MRAS: variants seen among roughly 807,000 people sequenced by gnomAD.
MRAS encodes the protein muscle RAS oncogene homolog, also known as ras-related protein M-Ras.
In MRAS, 4 loss-of-function variants were observed where a neutral mutation model predicts 20.9. The observed-to-expected ratio is 0.19, with a 90% CI of 0.09 to 0.44. MRAS has a LOEUF of 0.44. Ranked by LOEUF, MRAS falls within the 20% of genes least tolerant of loss-of-function variation. MRAS has a pLI of 0.99. For synonymous variants in MRAS, 98 were observed against 102.9 expected (o/e 0.95, Z 0.29); for missense variants, 154 against 277.5 (o/e 0.56, Z 3.16).
At chr3:138,387,264 T>C (rs2055036440) in intron 2 of MRAS, among the ~76,000 whole-genome samples, 1 of 152,234 alleles carries the variant, frequency 6.6e-6, no homozygotes, top group African/African-American at 2.4e-5. Flanking sequence ...CTGCCACCCA[T>C]GGCTGCCCAG....
At chr3:138,398,946 G>A (rs965188833) in intron 4 of MRAS, among the ~76,000 whole-genome samples, 10 of 152,222 alleles carry the variant, frequency 6.6e-5, no homozygotes, top group African/African-American at 2.4e-4. Flanking sequence ...CCCAGCTTGA[G>A]CTGCGGTGCC....
At chr3:138,394,284 C>A (rs1245424534) in intron 2 of MRAS, among the ~76,000 whole-genome samples, 1 of 152,088 alleles carries the variant, frequency 6.6e-6, no homozygotes, top group East Asian at 1.9e-4. Flanking sequence ...CGGAGCCCCG[C>A]CCCTCATTTC....
At chr3:138,364,771 C>G (rs2054526870) in intron 1 of MRAS, among the ~76,000 whole-genome samples, 1 of 152,218 alleles carries the variant, frequency 6.6e-6, no homozygotes, top group Non-Finnish European at 1.5e-5. Context: ...CAGCCTGGAT[C>G]TGGGGTGCTG....
intron 2 of MRAS, among the ~76,000 whole-genome samples, chr3:138,379,201 G>A (rs1439790435): frequency 6.6e-6 from 1 of 151,784 alleles, no homozygotes; most frequent in Non-Finnish European, 1.5e-5. Flanking sequence ...CCCAGCCTTT[G>A]ATGTCAATCA....
At chr3:138,383,323 T>C (rs532032641) in intron 2 of MRAS, among the ~76,000 whole-genome samples, 70 of 152,232 alleles carry the variant, frequency 4.6e-4, no homozygotes, top group Admixed American at 7.2e-4. Context: ...TGATATATAT[T>C]ATTGTTGTTT....
chr3:138,360,104 A>G (rs535566660), intron 1 of MRAS, among the ~76,000 whole-genome samples: 185 of 152,252 alleles, frequency 1.2e-3, no homozygotes, highest in African/African-American at 3.7e-3. Context: ...TGTTGCCTGT[A>G]CCTATCCCCT....
upstream of MRAS, chr3:138,348,349 G>C (rs979323291): frequency 6.6e-6 from 1 of 152,278 alleles, no homozygotes; most frequent in Non-Finnish European, 1.5e-5. Flanking sequence ...CGCGGGAGAG[G>C]CTGCGGCGCC....
intron 1 of MRAS, among the ~76,000 whole-genome samples, chr3:138,362,100 G>C (rs1367576165): frequency 6.6e-6 from 1 of 152,148 alleles, no homozygotes; most frequent in African/African-American, 2.4e-5. Flanking sequence ...GGACCCCAGA[G>C]GCCAGGTGGC....
intron 1 of MRAS, among the ~76,000 whole-genome samples, chr3:138,363,673 T>C (rs1367864372): frequency 6.6e-6 from 1 of 152,034 alleles, no homozygotes; most frequent in Non-Finnish European, 1.5e-5. Flanking sequence ...CCTGAGCATG[T>C]GTGTGTCTTG....
At chr3:138,390,214 G>T (rs1457691858) in intron 2 of MRAS, among the ~76,000 whole-genome samples, 1 of 152,154 alleles carries the variant, frequency 6.6e-6, no homozygotes, top group African/African-American at 2.4e-5. Flanking sequence ...AGCATGTGGG[G>T]CTTGCCTTGG....
chr3:138,400,085 G>T (rs1392544373), intron 4 of MRAS: 2 of 156,868 alleles, frequency 1.3e-5, no homozygotes, highest in African/African-American at 4.8e-5. Context: ...GGTCACCTGG[G>T]CCCAGAATCC....
chr3:138,367,579 G>C (rs1348741184), intron 1 of MRAS, among the ~76,000 whole-genome samples: 1 of 152,222 alleles, frequency 6.6e-6, no homozygotes, highest in Non-Finnish European at 1.5e-5. Context: ...AGGGGTATGA[G>C]CCAGCCCCTT....
At chr3:138,351,587 G>A (rs2054228291) in intron 1 of MRAS, among the ~76,000 whole-genome samples, 1 of 152,176 alleles carries the variant, frequency 6.6e-6, no homozygotes, top group Non-Finnish European at 1.5e-5. Flanking sequence ...TCTGAGCCCT[G>A]TAGTACTGAA....
chr3:138,369,298 A>G (rs2054625942), intron 1 of MRAS, among the ~76,000 whole-genome samples: 1 of 152,206 alleles, frequency 6.6e-6, no homozygotes, highest in South Asian at 2.1e-4. Flanking sequence ...AATTCTAGGC[A>G]TCATTGTGGC....
intron 1 of MRAS, among the ~76,000 whole-genome samples, chr3:138,357,578 G>T (rs543905309): frequency 2.6e-5 from 4 of 152,310 alleles, no homozygotes; most frequent in African/African-American, 9.6e-5. Context: ...TTCTCTGAGG[G>T]TTTCATTTAT....
At chr3:138,379,937 T>C (rs1576367504) in intron 2 of MRAS, among the ~76,000 whole-genome samples, 1 of 152,316 alleles carries the variant, frequency 6.6e-6, no homozygotes, top group East Asian at 1.9e-4. Flanking sequence ...TAGTTTATAT[T>C]CCCACCAGCA....
Position 138,363,826 on chromosome 3 carries a change from C to A in MRAS, c.-18-9040C>A, listed in dbSNP as rs9755336. On this transcript the variant is annotated intron_variant, in intron 1 of 5. Coordinates refer to ENST00000423968, the MANE Select transcript of MRAS (RefSeq NM_001085049.3). ...TGACCTGTTAGAGGATTTACCCCCC[C>A]CCCCCCCCAAACCACAGGGTACCCA... 4.8e-5 allele frequency among the ~76,000 whole-genome samples: 5 copies of A among 103,532 alleles called. 1 individual carries two copies. The highest frequency in any genetic ancestry group is 8.7e-5 in the Non-Finnish European group (4 of 46,214). The allele number at this position is 103,532 out of a possible 152,430, so 67.9% of individuals were successfully genotyped here.
At chr3:138,396,861 G>C (rs990270366) in intron 2 of MRAS, among the ~76,000 whole-genome samples, 76 of 152,120 alleles carry the variant, frequency 5.0e-4, no homozygotes, top group African/African-American at 1.8e-3. Flanking sequence ...TCTCCCCTAG[G>C]GGGTGCAAGG....
chr3:138,356,703 ATGCCTCCTTAGCCT>A (rs1485516966), intron 1 of MRAS, among the ~76,000 whole-genome samples: 3 of 152,200 alleles, frequency 2.0e-5, no homozygotes, highest in Non-Finnish European at 4.4e-5. Flanking sequence ...TCTATGAGCT[ATGCCTCCTTAGCCT>A]TCCCTCTCCA....
Sources: gnomAD v4.1 joint callset for allele counts (sites outside exome capture counted in the v4.1 genomes callset) on GRCh38, gnomAD v4.1.1 for gene constraint, MANE v1.5 for transcripts, NCBI Gene and HGNC (gene_info 2026-07-23, HGNC 2026-07-21) for gene names.